The following GRIA1 variants were observed in gnomAD, a reference collection of about 807,000 sequenced individuals.
The protein encoded by GRIA1 is glutamate receptor 1.
A neutral mutation model predicts 99.2 loss-of-function variants in GRIA1; 31 were observed. That is an observed-to-expected ratio of 0.31 (90% CI 0.23 to 0.42). The LOEUF is 0.42. GRIA1 is among the 10% of genes least tolerant of loss of function. The pLI is 1.00. For missense variants in GRIA1, 782 were observed against 1,157.5 expected (o/e 0.68, Z 4.71); for synonymous variants, 438 against 432.4 (o/e 1.01, Z -0.16).
chr5:153,761,797 A>T (rs186114351), intron 11 of GRIA1, among the ~76,000 whole-genome samples: 323 of 152,338 alleles, frequency 2.1e-3, no homozygotes, highest in Admixed American at 6.0e-3. Context: ...ATAGATTTTT[A>T]AAAAAGTGGT....
intron 2 of GRIA1, among the ~76,000 whole-genome samples, chr5:153,561,256 TC>T (rs1276189541): frequency 1.3e-5 from 2 of 152,178 alleles, no homozygotes; most frequent in Non-Finnish European, 2.9e-5. Flanking sequence ...AGAATTGGAC[TC>T]AGAATCTGAT....
intron 11 of GRIA1, among the ~76,000 whole-genome samples, chr5:153,709,815 T>G (rs1759183232): frequency 6.6e-6 from 1 of 152,194 alleles, no homozygotes; most frequent in Non-Finnish European, 1.5e-5. Context: ...GTCAGGACAG[T>G]GGCCATGATT....
At chr5:153,788,952 T>C (rs1405422300) in intron 13 of GRIA1, among the ~76,000 whole-genome samples, 5 of 152,232 alleles carry the variant, frequency 3.3e-5, no homozygotes, top group Non-Finnish European at 7.3e-5. Flanking sequence ...TTTGGCTCTA[T>C]TGTCATTTCT....
chr5:153,671,922 C>T (rs1338169510), intron 5 of GRIA1, among the ~76,000 whole-genome samples: 3 of 152,166 alleles, frequency 2.0e-5, no homozygotes, highest in Non-Finnish European at 4.4e-5. Flanking sequence ...TCTGGAGAAG[C>T]TCTAACAGGG....
In GRIA1 at chr5:153,650,529, A is replaced by G; in HGVS notation, c.645+15A>G. 1 of 1,612,406 alleles carries G rather than the reference A, an allele frequency of 6.2e-7. No homozygotes were observed. The highest frequency in any genetic ancestry group is 8.5e-7 in the Non-Finnish European group (1 of 1,178,990). ...TCTTGGGCCAGGTAGTGAAAGCAGC[A>G]AGGGCTCAGGGTGGGTGCGGGAGGT... On this transcript the variant is annotated intron_variant, in intron 4 of 15. Coordinates refer to ENST00000285900, the MANE Select transcript of GRIA1 (RefSeq NM_000827.4).
chr5:153,645,096 G>A (rs929549443), intron 2 of GRIA1, among the ~76,000 whole-genome samples: 1 of 152,160 alleles, frequency 6.6e-6, no homozygotes, highest in East Asian at 1.9e-4. Flanking sequence ...CTTCTGGGTA[G>A]AGAAGTGATT....
rs578258217 is a variant in GRIA1, at chr5:153,554,216, C to G, written c.220+60151C>G. Reference sequence around the variant, plus strand: ...ATGAGTGTACTGAGTAGGTAACTCTCTCAATAGTTTAATTTGAGGTCTGCA... The same window carrying G: ...ATGAGTGTACTGAGTAGGTAACTCTGTCAATAGTTTAATTTGAGGTCTGCA... On this transcript the variant is annotated intron_variant, in intron 2 of 15. Transcript: ENST00000285900. Among the ~76,000 whole-genome samples, 13 of 152,216 alleles carry G rather than the reference C, an allele frequency of 8.5e-5. No individual in the cohort carries two copies. In the South Asian group the frequency reaches 2.7e-3, roughly 32 times the overall value.
At position 153,695,994 on chromosome 5, in the gene GRIA1, CTCATAG is replaced by C. The variant is rs1436945285; in HGVS notation, c.1135-2049_1135-2044del. Among the ~76,000 whole-genome samples, 3 of 152,274 alleles carry C rather than the reference CTCATAG, an allele frequency of 2.0e-5. No homozygotes were observed. The South Asian group carries it at 6.2e-4, about 32-fold the overall frequency. On this transcript the variant is annotated intron_variant, in intron 8 of 15. Transcript: ENST00000285900. ...TTATTTCAGTCTTGTCCATGAGAAA[CTCATAG>C]CACCATGGAGAGATGGGGACAGACA...
At chr5:153,570,274 G>C (rs1354908383) in intron 2 of GRIA1, among the ~76,000 whole-genome samples, 1 of 152,148 alleles carries the variant, frequency 6.6e-6, no homozygotes, top group African/African-American at 2.4e-5. Context: ...TTATATCTGG[G>C]AGAGAAATAA....
At chr5:153,785,858 C>T (rs1427927909) in intron 13 of GRIA1, among the ~76,000 whole-genome samples, 2 of 152,190 alleles carry the variant, frequency 1.3e-5, no homozygotes, top group South Asian at 2.1e-4. Flanking sequence ...CCAGGTTTGC[C>T]GTCATACTAA....
intron 10 of GRIA1, among the ~76,000 whole-genome samples, chr5:153,704,125 T>C (rs1432098212): frequency 6.6e-6 from 1 of 152,246 alleles, no homozygotes; most frequent in Non-Finnish European, 1.5e-5. Context: ...AAGCCAGGCT[T>C]TCTATTCCAC....
At chr5:153,599,508 C>T (rs1764710357) in intron 2 of GRIA1, among the ~76,000 whole-genome samples, 2 of 152,306 alleles carry the variant, frequency 1.3e-5, no homozygotes, top group South Asian at 2.1e-4. Context: ...TGCACATAAC[C>T]TAGGCACATC....
At chr5:153,590,505 AATGTGT>A (rs1763870385) in intron 2 of GRIA1, among the ~76,000 whole-genome samples, 1 of 115,746 alleles carries the variant, frequency 8.6e-6, no homozygotes, top group African/African-American at 3.7e-5. Context: ...AAGCTATTGA[AATGTGT>A]GTGTGTGTGT....
chr5:153,600,703 A>C (rs1007573746), intron 2 of GRIA1, among the ~76,000 whole-genome samples: 1 of 152,170 alleles, frequency 6.6e-6, no homozygotes, highest in African/African-American at 2.4e-5. Context: ...CTGGGAGAAG[A>C]AGCAGAGACA....
At chr5:153,793,302 T>G (rs913898349) in intron 13 of GRIA1, among the ~76,000 whole-genome samples, 8 of 152,230 alleles carry the variant, frequency 5.3e-5, no homozygotes, top group African/African-American at 1.9e-4. Context: ...CTGGGTTTGA[T>G]GGCTTCTTTG....
At chr5:153,495,787 T>C (rs374331300) in intron 2 of GRIA1, among the ~76,000 whole-genome samples, 10 of 152,224 alleles carry the variant, frequency 6.6e-5, no homozygotes, top group Admixed American at 2.6e-4. Context: ...GAGTAGCTAT[T>C]TTGCTATTAG....
intron 5 of GRIA1, among the ~76,000 whole-genome samples, chr5:153,662,022 G>A (rs73285430): frequency 0.021 from 3,260 of 152,250 alleles, 105 homozygotes; most frequent in African/African-American, 0.075. Flanking sequence ...AACAGGGCAC[G>A]ACCTGTGTGC....
At chr5:153,743,149 C>T (rs920276401) in intron 11 of GRIA1, among the ~76,000 whole-genome samples, 2 of 152,108 alleles carry the variant, frequency 1.3e-5, no homozygotes, top group Non-Finnish European at 1.5e-5. Flanking sequence ...AAGTGGAGAC[C>T]GAGGCTAAAA....
intron 2 of GRIA1, among the ~76,000 whole-genome samples, chr5:153,631,467 T>C (rs878994651): frequency 2.0e-5 from 3 of 152,262 alleles, no homozygotes; most frequent in Admixed American, 2.0e-4. Context: ...TAAAATGATG[T>C]GAACTAGTGA....
Sources: allele counts gnomAD v4.1 joint callset (sites outside exome capture counted in the v4.1 genomes callset), GRCh38; gene constraint gnomAD v4.1.1; transcripts MANE v1.5; gene names NCBI Gene and HGNC (gene_info 2026-07-23, HGNC 2026-07-21).